The following SFXN5 variants were observed in gnomAD, a reference collection of about 807,000 sequenced individuals.
SFXN5 encodes the protein sideroflexin-5.
In SFXN5, 43 loss-of-function variants were observed where a neutral mutation model predicts 50.2. That is an observed-to-expected ratio of 0.86 (90% confidence interval 0.67 to 1.11). The LOEUF is 1.11. Ranked by LOEUF, SFXN5 falls within the 50% of genes least tolerant of loss-of-function variation. The pLI is 0.00. For missense variants in SFXN5, 463 were observed against 454.1 expected (o/e 1.02, Z -0.18); for synonymous variants, 203 against 185.8 (o/e 1.09, Z -0.75).
intron 6 of SFXN5, among the ~76,000 whole-genome samples, chr2:73,006,221 C>T (rs922386778): frequency 6.6e-6 from 1 of 152,106 alleles, no homozygotes. Context: ...CAGGAGGGTA[C>T]AGTCCATCCC....
At chr2:73,053,174 G>A (rs13030434) in intron 2 of SFXN5, among the ~76,000 whole-genome samples, 35,190 of 134,288 alleles carry the variant, frequency 0.26, 5,053 homozygotes, top group Admixed American at 0.42. Flanking sequence ...ACTCTGCCTC[G>A]AAAAAAAAAA....
At position 72,953,890 on chromosome 2, in the gene SFXN5, C is replaced by G. The variant is rs866476284; in HGVS notation, c.945+7241G>C. Among the ~76,000 whole-genome samples the G allele has an allele frequency of 1.3e-5, 2 of 152,178 alleles. No individual in the cohort carries two copies. The highest frequency in any genetic ancestry group is 1.3e-4 in the Admixed American group (2 of 15,282). Reference sequence around the variant, plus strand: ...TAGCCAGGCTGGTTCATCAAAACCACCATTTTCATCAGGGCTGGTAAGAGG... The same window carrying G: ...TAGCCAGGCTGGTTCATCAAAACCAGCATTTTCATCAGGGCTGGTAAGAGG... On this transcript the variant is annotated intron_variant, in intron 13 of 13. Transcript: ENST00000272433. This position sits in a 1 kb window ranked among gnomAD's most constrained non-coding sequence, Gnocchi z 4.1.
chr2:73,052,091 G>A (rs533915506), intron 2 of SFXN5, among the ~76,000 whole-genome samples: 1 of 152,048 alleles, frequency 6.6e-6, no homozygotes, highest in African/African-American at 2.4e-5. Flanking sequence ...TGCAGCCAGT[G>A]GATTTCCTTT....
chr2:73,061,334 A>G (rs1432669186), intron 1 of SFXN5, among the ~76,000 whole-genome samples: 1 of 151,442 alleles, frequency 6.6e-6, no homozygotes, highest in East Asian at 1.9e-4. Flanking sequence ...AAAGTCACAT[A>G]CTCTGATGTA....
chr2:72,989,893 T>C (rs116364727), intron 9 of SFXN5, among the ~76,000 whole-genome samples: 15,418 of 152,224 alleles, frequency 0.1, 2,601 homozygotes, highest in African/African-American at 0.35. Context: ...GCAGGACTCC[T>C]GGCCTGACGG....
chr2:72,990,017 C>G (rs1255407170), intron 9 of SFXN5, among the ~76,000 whole-genome samples: 1 of 152,240 alleles, frequency 6.6e-6, no homozygotes, highest in East Asian at 1.9e-4. Context: ...GACGCAGAGC[C>G]TTGGGAAGGC....
At chr2:73,031,881 A>T (rs1678349392) in intron 3 of SFXN5, among the ~76,000 whole-genome samples, 1 of 152,188 alleles carries the variant, frequency 6.6e-6, no homozygotes, top group Non-Finnish European at 1.5e-5. Flanking sequence ...AAAATTAGGC[A>T]GAAGCAGGGA....
chr2:72,951,849 AG>A (rs948514278), intron 13 of SFXN5, among the ~76,000 whole-genome samples: 1 of 152,222 alleles, frequency 6.6e-6, no homozygotes, highest in African/African-American at 2.4e-5. Context: ...AAGCCCAAGC[AG>A]GCACCTGGCT....
At chr2:73,020,326 A>G (rs1215834041) in intron 5 of SFXN5, 62 bp from the exon 6 acceptor site, 1 of 1,567,020 alleles carries the variant, frequency 6.4e-7, no homozygotes, top group Non-Finnish European at 8.8e-7. Flanking sequence ...TGAGATACCC[A>G]GGAGCCTCCG....
At chr2:72,983,912 A>G (rs1304598681) in intron 10 of SFXN5, among the ~76,000 whole-genome samples, 2 of 151,926 alleles carry the variant, frequency 1.3e-5, no homozygotes, top group African/African-American at 4.8e-5. Context: ...GGGGGTGTGT[A>G]TTTTTCCAAT....
intron 2 of SFXN5, among the ~76,000 whole-genome samples, chr2:73,057,886 T>C (rs188462085): frequency 6.6e-6 from 1 of 152,180 alleles, no homozygotes; most frequent in Non-Finnish European, 1.5e-5. Flanking sequence ...CCTTCCACCA[T>C]ATCATTTCCT....
intron 2 of SFXN5, among the ~76,000 whole-genome samples, chr2:73,052,774 G>C (rs562104718): frequency 5.1e-4 from 78 of 152,304 alleles, no homozygotes; most frequent in African/African-American, 1.8e-3. Context: ...GGCCTACAGA[G>C]AAGGCCAAAG....
chr2:72,989,907 G>A (rs1032064816), intron 9 of SFXN5, among the ~76,000 whole-genome samples: 6 of 152,210 alleles, frequency 3.9e-5, no homozygotes, highest in East Asian at 1.9e-4. Context: ...CTGACGGGCC[G>A]GGGCAGCCTG....
At chr2:72,974,453 G>A (rs529830064) in intron 10 of SFXN5, among the ~76,000 whole-genome samples, 3 of 152,190 alleles carry the variant, frequency 2.0e-5, no homozygotes, top group Non-Finnish European at 2.9e-5. Flanking sequence ...AGCCCCTCCA[G>A]GACAATTCTG....
At chr2:72,952,860 C>T (rs1457560580) in intron 13 of SFXN5, among the ~76,000 whole-genome samples, 1 of 152,216 alleles carries the variant, frequency 6.6e-6, no homozygotes, top group African/African-American at 2.4e-5. Flanking sequence ...GCCCCAGCCC[C>T]ACTCACTAAG....
chr2:73,067,211 G>A (rs1255359957), intron 1 of SFXN5, among the ~76,000 whole-genome samples: 5 of 152,208 alleles, frequency 3.3e-5, no homozygotes, highest in African/African-American at 9.7e-5. Flanking sequence ...AACCCAAGTT[G>A]AGGGACACTC....
At chr2:73,047,230 AAAAAAAAAAAAAAAAATATATATAT>A (rs1680465469) in intron 2 of SFXN5, among the ~76,000 whole-genome samples, 1 of 55,088 alleles carries the variant, frequency 1.8e-5, no homozygotes, top group East Asian at 7.7e-4. Flanking sequence ...AAAAAAAAAA[AAAAAAAAAAAAAAAAATATATATAT>A]ATATATATAT....
chr2:72,971,608 C>T lies in SFXN5; in HGVS notation c.703G>A (p.Gly235Ser). The T allele has an allele frequency of 5.6e-6, 9 of 1,614,036 alleles. No homozygotes were observed. The highest frequency in any genetic ancestry group is 7.6e-6 in the Non-Finnish European group (9 of 1,179,974). ...ATCTTGGAGGAGCCCACGAGGTTGC[C>T]ATCGCTGTCCAGGACATCAATCCCT... ...EEGIDVLDSD[G>S]NLVGSSKIAA... Residue 235 changes from glycine to serine, a missense_variant, in exon 11 of 14, where the codon GGC becomes AGC. By Grantham distance (56) the Gly-to-Ser change is moderately conservative. Transcript: ENST00000272433.
At chr2:72,978,028 A>C (rs930069089) in intron 10 of SFXN5, among the ~76,000 whole-genome samples, 3 of 150,624 alleles carry the variant, frequency 2.0e-5, no homozygotes, top group African/African-American at 7.3e-5. Flanking sequence ...AGAAACTCTA[A>C]CCCTACTCCA....
Sources: allele counts gnomAD v4.1 joint callset (sites outside exome capture counted in the v4.1 genomes callset), GRCh38; gene constraint gnomAD v4.1.1; non-coding constraint Gnocchi (gnomAD v3.1); transcripts MANE v1.5; gene names NCBI Gene and HGNC (gene_info 2026-07-23, HGNC 2026-07-21).